TRHDE: variants seen among roughly 807,000 people sequenced by gnomAD.
The protein encoded by TRHDE is thyrotropin-releasing hormone-degrading ectoenzyme.
In TRHDE, 72 loss-of-function variants were observed where a neutral mutation model predicts 125.7. The observed-to-expected ratio is 0.57, with a 90% CI of 0.47 to 0.70. The LOEUF (loss-of-function observed/expected upper bound fraction) is 0.70. TRHDE is among the 30% of genes least tolerant of loss of function. The pLI is 0.00. For synonymous variants in TRHDE, 509 were observed against 509.1 expected (o/e 1.00, Z 0.00); for missense variants, 1,110 against 1,327.1 (o/e 0.84, Z 2.54).
intron 2 of TRHDE, among the ~76,000 whole-genome samples, chr12:72,248,455 A>T (rs569248648): frequency 6.7e-6 from 1 of 148,712 alleles, no homozygotes; most frequent in South Asian, 2.1e-4. Context: ...GTGCTTATTC[A>T]TATGTGTTTT....
intron 3 of TRHDE, among the ~76,000 whole-genome samples, chr12:72,386,100 C>T (rs1872402584): frequency 6.6e-6 from 1 of 152,244 alleles, no homozygotes; most frequent in Middle Eastern, 3.4e-3. Context: ...AATATTGTTA[C>T]ATTTTTAATT....
At chr12:72,500,003 A>G (rs1347662739) in intron 6 of TRHDE, among the ~76,000 whole-genome samples, 1 of 152,196 alleles carries the variant, frequency 6.6e-6, no homozygotes, top group East Asian at 1.9e-4. Context: ...CTTAAATACT[A>G]ACTTATTTTG....
chr12:72,179,134 A>C (rs541819532), intron 2 of TRHDE, among the ~76,000 whole-genome samples: 2 of 152,154 alleles, frequency 1.3e-5, no homozygotes, highest in Non-Finnish European at 2.9e-5. Context: ...GACTTATTGC[A>C]GATTTCTGGT....
intron 2 of TRHDE, among the ~76,000 whole-genome samples, chr12:72,159,894 A>G (rs1876598276): frequency 6.7e-6 from 1 of 149,834 alleles, no homozygotes; most frequent in Admixed American, 6.6e-5. Flanking sequence ...TTCTCTTTTC[A>G]TCTCATTTTG....
At chr12:72,594,406 C>T (rs1341923063) in intron 12 of TRHDE, among the ~76,000 whole-genome samples, 6 of 151,458 alleles carry the variant, frequency 4.0e-5, no homozygotes, top group East Asian at 4.0e-4. Context: ...TTAGTGGAGA[C>T]GGGTTTTCTC....
chr12:72,621,005 AG>A (rs1873028908), intron 13 of TRHDE, 102 bp from the exon 14 acceptor site: 1 of 562,414 alleles, frequency 1.8e-6, no homozygotes, highest in Non-Finnish European at 3.2e-6. Context: ...ATTTGAAAGT[AG>A]GTACATTTTA....
At chr12:72,571,974 AACACACACACACACACACACACACAC>A (rs59206098) in intron 10 of TRHDE, among the ~76,000 whole-genome samples, 7 of 127,446 alleles carry the variant, frequency 5.5e-5, no homozygotes, top group African/African-American at 1.7e-4. Context: ...TGACTCTGCA[AACACACACACACACACACACACACAC>A]ACACACACAC....
chr12:72,160,734 A>G (rs925405255), intron 2 of TRHDE, among the ~76,000 whole-genome samples: 2 of 151,944 alleles, frequency 1.3e-5, no homozygotes, highest in Non-Finnish European at 2.9e-5. Flanking sequence ...AAAAGAAAAA[A>G]CTTCCTCATG....
chr12:72,562,929 T>C lies in TRHDE; in HGVS notation c.1931T>C (p.Val644Ala), dbSNP rs982436193. 3 of 1,610,620 alleles carry C rather than the reference T, an allele frequency of 1.9e-6. No homozygotes were observed. Among genetic ancestry groups the C allele is most frequent in the Non-Finnish European group, 2.5e-6 (3 of 1,178,074 alleles). ...TGGACACTCCAGATGGGTTATCCTG[T>C]TATCACCATCTTGGGAAACACAACA... ...DQWTLQMGYP[V>A]ITILGNTTAE... Residue 644 changes from valine to alanine, a missense_variant, in exon 9 of 19, where the codon GTT becomes GCT. This residue lies in a region of TRHDE where 527 missense variants were observed against 651.8 expected (regional missense o/e 0.81). Coordinates refer to ENST00000261180, the MANE Select transcript of TRHDE (RefSeq NM_013381.3).
At chr12:72,397,416 C>T (rs1256720019) in intron 3 of TRHDE, among the ~76,000 whole-genome samples, 1 of 152,144 alleles carries the variant, frequency 6.6e-6, no homozygotes, top group African/African-American at 2.4e-5. Context: ...CAAACAACAA[C>T]CAAGAGTAAA....
chr12:72,386,435 A>T (rs1292110969), intron 3 of TRHDE, among the ~76,000 whole-genome samples: 1 of 152,002 alleles, frequency 6.6e-6, no homozygotes, highest in Non-Finnish European at 1.5e-5. Flanking sequence ...CCTTTTGTGC[A>T]CCTCATCCCA....
intron 3 of TRHDE, among the ~76,000 whole-genome samples, chr12:72,449,193 G>A (rs1391963504): frequency 6.6e-6 from 1 of 151,932 alleles, no homozygotes; most frequent in Admixed American, 6.6e-5. Context: ...GCTTTCAGTA[G>A]CCAAAAAATT....
chr12:72,604,371 A>G (rs960585829), intron 12 of TRHDE, among the ~76,000 whole-genome samples: 3 of 152,100 alleles, frequency 2.0e-5, no homozygotes, highest in Non-Finnish European at 4.4e-5. Flanking sequence ...CATTTTATCT[A>G]AAACTGTCAA....
chr12:72,488,139 G>T (rs1877498618), intron 5 of TRHDE, among the ~76,000 whole-genome samples: 3 of 151,908 alleles, frequency 2.0e-5, no homozygotes. Context: ...AGAAAACAAA[G>T]AATGAAATGG....
intron 15 of TRHDE, among the ~76,000 whole-genome samples, chr12:72,635,105 T>G (rs927719000): frequency 5.3e-5 from 8 of 150,788 alleles, no homozygotes; most frequent in Non-Finnish European, 8.9e-5. Context: ...TGAACTAGTT[T>G]ACAGTCCCAC....
chr12:72,594,489 A>G (rs1871838255), intron 12 of TRHDE, among the ~76,000 whole-genome samples: 1 of 144,040 alleles, frequency 6.9e-6, no homozygotes, highest in Non-Finnish European at 1.5e-5. Flanking sequence ...AAGCTCTGGG[A>G]TTACAGATGT....
At chr12:72,616,843 A>G (rs1872835557) in intron 12 of TRHDE, among the ~76,000 whole-genome samples, 1 of 152,132 alleles carries the variant, frequency 6.6e-6, no homozygotes, top group Non-Finnish European at 1.5e-5. Context: ...TGGCATGTAT[A>G]AAGAGAAGGT....
intron 12 of TRHDE, among the ~76,000 whole-genome samples, chr12:72,616,694 A>G (rs888317294): frequency 5.3e-5 from 8 of 152,152 alleles, no homozygotes; most frequent in African/African-American, 1.9e-4. Flanking sequence ...ACGAGATTCA[A>G]GCAACTTTCC....
intron 3 of TRHDE, among the ~76,000 whole-genome samples, chr12:72,440,681 G>A (rs919693715): frequency 1.3e-5 from 2 of 151,824 alleles, no homozygotes; most frequent in South Asian, 2.1e-4. Flanking sequence ...ACAGTAAGTG[G>A]TAGACTCAGG....
Sources: allele counts gnomAD v4.1 joint callset (sites outside exome capture counted in the v4.1 genomes callset), GRCh38; gene constraint gnomAD v4.1.1; regional missense constraint gnomAD v4.1.1; transcripts MANE v1.5; gene names NCBI Gene and HGNC (gene_info 2026-07-23, HGNC 2026-07-21).